The following LARP4 variants were observed in gnomAD, a reference collection of about 807,000 sequenced individuals.
The protein encoded by LARP4 is la-related protein 4.
Under a neutral mutation model 92.9 loss-of-function variants are expected in LARP4, and 29 were observed. The observed-to-expected ratio is 0.31, with a 90% confidence interval of 0.23 to 0.43. The LOEUF (loss-of-function observed/expected upper bound fraction) is 0.43, where lower values mean the gene tolerates loss of function less well. LARP4 is among the 20% of genes least tolerant of loss of function. The pLI, the probability that LARP4 is intolerant of heterozygous loss-of-function variation, is 1.00. For missense variants in LARP4, 732 were observed against 860.0 expected (o/e 0.85, Z 1.86); for synonymous variants, 279 against 284.1 (o/e 0.98, Z 0.18).
Position 50,478,432 on chromosome 12 carries a change from G to A in LARP4, c.*2568G>A, listed in dbSNP as rs564166702. ...TGTATCTAAATAATGCCTATGAGTTGTGTGAAGCTCTTGGCTTTTTTCCAA... is the reference window on the plus strand; with the variant it reads ...TGTATCTAAATAATGCCTATGAGTTATGTGAAGCTCTTGGCTTTTTTCCAA... On this transcript the variant is annotated 3_prime_UTR_variant, in exon 16 of 16. Coordinates refer to ENST00000398473, the MANE Select transcript of LARP4 (RefSeq NM_052879.5). 4 of 152,116 alleles carry A rather than the reference G, an allele frequency of 2.6e-5. No individual in the cohort carries two copies. The highest frequency in any genetic ancestry group is 2.6e-4 in the Admixed American group (4 of 15,266). 9.4% of individuals were successfully genotyped at this position (152,116 alleles called of 1,614,324 possible).
chr12:50,462,206 G>C (rs1311373520), intron 11 of LARP4, among the ~76,000 whole-genome samples: 9 of 152,106 alleles, frequency 5.9e-5, no homozygotes, highest in Non-Finnish European at 7.4e-5. Flanking sequence ...CAGCTGGCCA[G>C]GCATGGTGGC....
At chr12:50,419,888 A>G (rs1328797287) in intron 1 of LARP4, among the ~76,000 whole-genome samples, 1 of 152,108 alleles carries the variant, frequency 6.6e-6, no homozygotes, top group Non-Finnish European at 1.5e-5. Flanking sequence ...CTGGGCAACA[A>G]GAGTGAGACC....
chr12:50,464,613 G>C (rs970298468), intron 12 of LARP4, among the ~76,000 whole-genome samples: 1 of 148,662 alleles, frequency 6.7e-6, no homozygotes, highest in South Asian at 2.2e-4. Flanking sequence ...GGCTGGTCTC[G>C]AACTCCTGAC....
intron 12 of LARP4, among the ~76,000 whole-genome samples, chr12:50,465,502 G>A (rs1174900225): frequency 3.3e-5 from 5 of 152,158 alleles, no homozygotes; most frequent in Non-Finnish European, 4.4e-5. Flanking sequence ...TGGTAGAGGA[G>A]CTCTTTTGCA....
chr12:50,463,531 G>C (rs1445838837), intron 12 of LARP4, among the ~76,000 whole-genome samples: 2 of 151,862 alleles, frequency 1.3e-5, no homozygotes, highest in African/African-American at 4.8e-5. Flanking sequence ...CCAGAAGGTG[G>C]AGTGCAGATT....
chr12:50,445,142 G>A (rs1028684257), intron 8 of LARP4, among the ~76,000 whole-genome samples: 5 of 152,028 alleles, frequency 3.3e-5, no homozygotes, highest in Admixed American at 2.0e-4. Flanking sequence ...GAGGGCAAGC[G>A]ATCCCCCCAC....
intron 1 of LARP4, among the ~76,000 whole-genome samples, chr12:50,422,831 ATTT>A (rs1196247662): frequency 8.4e-6 from 1 of 119,340 alleles, no homozygotes; most frequent in East Asian, 2.2e-4. Flanking sequence ...TATTATTATT[ATTT>A]TTGAGACGAG....
intron 1 of LARP4, among the ~76,000 whole-genome samples, chr12:50,409,038 T>G (rs1945365505): frequency 6.6e-6 from 1 of 152,160 alleles, no homozygotes; most frequent in East Asian, 1.9e-4. Flanking sequence ...GGCAGAAAGT[T>G]GCAGTTGAGC....
At chr12:50,454,455 ATTCCTAATGGATCT>A (rs1365772174) in intron 10 of LARP4, 38 bp downstream of exon 10, 2 of 1,432,806 alleles carry the variant, frequency 1.4e-6, no homozygotes, top group African/African-American at 2.8e-5. Flanking sequence ...ATTTTAAACA[ATTCCTAATGGATCT>A]TAAGGCATTA....
chr12:50,405,304 G>T (rs1944609583), intron 1 of LARP4, among the ~76,000 whole-genome samples: 1 of 152,140 alleles, frequency 6.6e-6, no homozygotes, highest in Non-Finnish European at 1.5e-5. Flanking sequence ...GACCTGCCAT[G>T]AATTCTTTTA....
intron 10 of LARP4, among the ~76,000 whole-genome samples, chr12:50,456,332 T>G (rs1162669211): frequency 1.3e-5 from 2 of 152,170 alleles, no homozygotes; most frequent in African/African-American, 4.8e-5. Context: ...TTCCATATAT[T>G]TGACCAATAC....
intron 3 of LARP4, among the ~76,000 whole-genome samples, chr12:50,429,822 A>T (rs1472136815): frequency 2.0e-5 from 3 of 152,018 alleles, no homozygotes; most frequent in Non-Finnish European, 4.4e-5. Flanking sequence ...TATTTTTAGT[A>T]AAGATGGTGT....
chr12:50,473,816 GGGGGGGTGGGGGGTGC>G lies in LARP4; in HGVS notation c.1668-178_1668-163del, dbSNP rs1445496769. Reference sequence around the variant, plus strand: ...GGGGGTGGGGGTGGGTGGGGGGGTGGGGGGGGTGGGGGGTGCGGGGCGGGCAGAGGTTGCAGTGAGC... The same window carrying G: ...GGGGGTGGGGGTGGGTGGGGGGGTGGGGGGCGGGCAGAGGTTGCAGTGAGC... On this transcript the variant is annotated intron_variant, in intron 14 of 15. Coordinates refer to ENST00000398473, the MANE Select transcript of LARP4 (RefSeq NM_052879.5). Among the ~76,000 whole-genome samples, 3 of 139,024 alleles carry G rather than the reference GGGGGGGTGGGGGGTGC, an allele frequency of 2.2e-5. No individual in the cohort carries two copies. In the East Asian group the frequency reaches 7.0e-4, roughly 32 times the overall value. 91.2% of individuals were successfully genotyped at this position (139,024 alleles called of 152,430 possible). A position where few individuals can be genotyped will look rare whatever the true frequency, so the allele number is the denominator to read the frequency against.
intron 1 of LARP4, among the ~76,000 whole-genome samples, chr12:50,419,873 C>T (rs1461315789): frequency 6.6e-6 from 1 of 151,886 alleles, no homozygotes; most frequent in Non-Finnish European, 1.5e-5. Flanking sequence ...CCCCTGCGCT[C>T]CACCCTGGGC....
intron 4 of LARP4, among the ~76,000 whole-genome samples, chr12:50,434,876 G>A (rs929248540): frequency 6.6e-6 from 1 of 151,838 alleles, no homozygotes; most frequent in Non-Finnish European, 1.5e-5. Context: ...AACCCCGTCT[G>A]TACTAAAAAA....
intron 4 of LARP4, among the ~76,000 whole-genome samples, chr12:50,433,394 T>C (rs952654409): frequency 4.6e-5 from 7 of 151,696 alleles, no homozygotes; most frequent in Non-Finnish European, 8.8e-5. Flanking sequence ...AGCTGGGTAA[T>C]TGACATTTGT....
chr12:50,433,640 C>CTT (rs111833032), intron 4 of LARP4, among the ~76,000 whole-genome samples: 8 of 137,952 alleles, frequency 5.8e-5, no homozygotes, highest in South Asian at 2.3e-4. Context: ...TAAGGAATAT[C>CTT]TTTTTTTTTT....
At chr12:50,436,970 T>A (rs1179467762) in intron 5 of LARP4, among the ~76,000 whole-genome samples, 1 of 152,214 alleles carries the variant, frequency 6.6e-6, no homozygotes, top group African/African-American at 2.4e-5. Context: ...TGTAGAGACA[T>A]CATTTCTTAA....
rs748951248 is a variant in LARP4 at position 50,467,070 on chromosome 12, G to A, written c.1495G>A (p.Val499Ile). Residue 499 changes from valine to isoleucine, a missense_variant, in exon 13 of 16, where the codon GTT becomes ATT. Val to Ile is a conservative substitution (Grantham distance 29). Coordinates refer to ENST00000398473, the MANE Select transcript of LARP4 (RefSeq NM_052879.5). ...TTCATCAAGAATGCCAGGTGAACTC[G>A]TTTTGGAGAATAGGATGTCTGATGT... ...GSSSRMPGEL[V>I]LENRMSDVVK... The A allele has an allele frequency of 1.1e-4, 178 of 1,613,324 alleles. No individual in the cohort carries two copies. The highest frequency in any genetic ancestry group is 1.4e-4 in the Non-Finnish European group (164 of 1,179,558).
Sources: gnomAD v4.1 joint callset for allele counts (sites outside exome capture counted in the v4.1 genomes callset) on GRCh38, gnomAD v4.1.1 for gene constraint, MANE v1.5 for transcripts, NCBI Gene and HGNC (gene_info 2026-07-23, HGNC 2026-07-21) for gene names.